Variants in CDH13 observed in about 807,000 individuals in gnomAD.
CDH13 encodes cadherin 13, also known as cadherin-13.
In CDH13, 24 loss-of-function variants were observed where a neutral mutation model predicts 63.8. That is an observed-to-expected ratio of 0.38 (90% CI 0.27 to 0.53). The LOEUF (loss-of-function observed/expected upper bound fraction) is 0.53. CDH13 is among the 20% of genes least tolerant of loss of function. The pLI is 0.85. For missense variants in CDH13, 1,049 were observed against 903.1 expected (o/e 1.16, Z -2.07); for synonymous variants, 503 against 355.3 (o/e 1.42, Z -4.67).
At chr16:83,477,203 G>A (rs1219498472) in intron 6 of CDH13, among the ~76,000 whole-genome samples, 1 of 152,164 alleles carries the variant, frequency 6.6e-6, no homozygotes, top group Non-Finnish European at 1.5e-5. Context: ...CTCTTTATCA[G>A]TATAAAAATA....
chr16:83,018,810 T>C (rs1169423874), intron 2 of CDH13, among the ~76,000 whole-genome samples: 1 of 152,214 alleles, frequency 6.6e-6, no homozygotes, highest in Non-Finnish European at 1.5e-5. Flanking sequence ...CTATAGGCAA[T>C]TGTAACACAA....
At chr16:83,723,578 C>G (rs1276451502) in intron 10 of CDH13, among the ~76,000 whole-genome samples, 13 of 152,212 alleles carry the variant, frequency 8.5e-5, no homozygotes. Flanking sequence ...ATCACCTTCG[C>G]TAAAGAAGCC....
At chr16:83,023,327 G>C (rs1915517162) in intron 2 of CDH13, among the ~76,000 whole-genome samples, 1 of 148,978 alleles carries the variant, frequency 6.7e-6, no homozygotes, top group African/African-American at 2.5e-5. Context: ...CGCCCTCCCA[G>C]GGTGTTCTAA....
intron 5 of CDH13, among the ~76,000 whole-genome samples, chr16:83,243,264 A>G (rs1233110517): frequency 2.0e-5 from 3 of 152,188 alleles, no homozygotes; most frequent in Admixed American, 2.0e-4. Context: ...TTATAAAGAA[A>G]ATGAAGTTTA....
intron 8 of CDH13, among the ~76,000 whole-genome samples, chr16:83,627,114 C>T (rs967959348): frequency 2.7e-5 from 3 of 112,818 alleles, no homozygotes; most frequent in Non-Finnish European, 3.6e-5. Flanking sequence ...GAAACCCCAT[C>T]TCCACTAAAA....
At chr16:83,555,113 C>A (rs1270610018) in intron 7 of CDH13, among the ~76,000 whole-genome samples, 2 of 152,076 alleles carry the variant, frequency 1.3e-5, no homozygotes, top group Admixed American at 6.5e-5. Context: ...ACAGAGAGAG[C>A]GAGCTACTTT....
At chr16:83,268,514 T>C (rs2088693807) in intron 5 of CDH13, among the ~76,000 whole-genome samples, 2 of 152,192 alleles carry the variant, frequency 1.3e-5, no homozygotes. Context: ...TTTGATGTCA[T>C]ATGAGTTACA....
chr16:82,629,774 T>C (rs1276224574), intron 1 of CDH13, among the ~76,000 whole-genome samples: 1 of 152,240 alleles, frequency 6.6e-6, no homozygotes. Context: ...TCACCTCTCC[T>C]ATCCCCTGGG....
chr16:83,001,177 C>A (rs1397305533), intron 2 of CDH13, among the ~76,000 whole-genome samples: 1 of 152,214 alleles, frequency 6.6e-6, no homozygotes, highest in African/African-American at 2.4e-5. Context: ...TTCCAAAAAA[C>A]CCCTGTGGTG....
At chr16:82,898,994 C>T (rs945118480) in intron 2 of CDH13, among the ~76,000 whole-genome samples, 1 of 152,208 alleles carries the variant, frequency 6.6e-6, no homozygotes, top group Non-Finnish European at 1.5e-5. Context: ...AGGTAATTCC[C>T]AAGAGGACCA....
chr16:82,631,126 G>A (rs191592076), intron 1 of CDH13, among the ~76,000 whole-genome samples: 1 of 151,480 alleles, frequency 6.6e-6, no homozygotes, highest in Admixed American at 6.6e-5. Context: ...CTTTCTTCTT[G>A]CTTTCTTTCT....
intron 7 of CDH13, among the ~76,000 whole-genome samples, chr16:83,582,824 C>G (rs1905750063): frequency 6.6e-6 from 1 of 152,164 alleles, no homozygotes; most frequent in Non-Finnish European, 1.5e-5. Flanking sequence ...ACCGTGTTGG[C>G]CCAGTTGGAC....
At chr16:83,217,904 C>A (rs1360270738) in intron 5 of CDH13, among the ~76,000 whole-genome samples, 4 of 152,144 alleles carry the variant, frequency 2.6e-5, no homozygotes, top group African/African-American at 9.7e-5. Flanking sequence ...AAATATTCAG[C>A]CATAAAGGAG....
At chr16:83,652,202 A>G (rs1043202235) in intron 8 of CDH13, among the ~76,000 whole-genome samples, 2 of 152,240 alleles carry the variant, frequency 1.3e-5, no homozygotes, top group African/African-American at 2.4e-5. Flanking sequence ...ATGGATTTAG[A>G]GCAGTTTCTT....
intron 2 of CDH13, among the ~76,000 whole-genome samples, chr16:82,942,726 G>A (rs991094077): frequency 2.6e-5 from 4 of 152,240 alleles, no homozygotes; most frequent in Admixed American, 2.0e-4. Context: ...TCATTGTAAA[G>A]ATGTGAAATT....
intron 4 of CDH13, among the ~76,000 whole-genome samples, chr16:83,209,173 G>A (rs1012957822): frequency 4.6e-5 from 7 of 152,124 alleles, no homozygotes; most frequent in Admixed American, 4.6e-4. Flanking sequence ...ACAACCACCT[G>A]TAAAAGGCAT....
chr16:82,932,680 C>T (rs1340623016), intron 2 of CDH13, among the ~76,000 whole-genome samples: 1 of 152,072 alleles, frequency 6.6e-6, no homozygotes, highest in Non-Finnish European at 1.5e-5. Flanking sequence ...TAGCATAGAC[C>T]TTTAGGTTTT....
intron 6 of CDH13, among the ~76,000 whole-genome samples, chr16:83,413,003 C>T (rs569152209): frequency 6.6e-6 from 1 of 152,280 alleles, no homozygotes; most frequent in South Asian, 2.1e-4. Context: ...CTATTGTTTT[C>T]TTTGTCCAAT....
intron 7 of CDH13, among the ~76,000 whole-genome samples, chr16:83,532,155 G>C (rs1199547337): frequency 6.6e-6 from 1 of 152,136 alleles, no homozygotes; most frequent in Non-Finnish European, 1.5e-5. Flanking sequence ...TGCCATGATT[G>C]TGAAGCCTCC....
Sources: allele counts gnomAD v4.1 joint callset (sites outside exome capture counted in the v4.1 genomes callset), GRCh38; gene constraint gnomAD v4.1.1; transcripts MANE v1.5; gene names NCBI Gene and HGNC (gene_info 2026-07-23, HGNC 2026-07-21).